The following RRN3 variants were observed in gnomAD, a reference collection of about 807,000 sequenced individuals.
RRN3 encodes RNA polymerase I transcription factor RRN3, also known as RNA polymerase I-specific transcription initiation factor RRN3.
A neutral mutation model predicts 82.3 loss-of-function variants in RRN3; 38 were observed. The observed-to-expected ratio is 0.46, with a 90% CI of 0.36 to 0.61. The LOEUF (loss-of-function observed/expected upper bound fraction) is 0.61. Among genes scored for constraint, RRN3 ranks in the 20% least tolerant of loss-of-function variants. The pLI, the probability that RRN3 is intolerant of heterozygous loss-of-function variation, is 0.00. For missense variants in RRN3, 726 were observed against 793.1 expected, an observed-to-expected ratio of 0.92 and a Z score of 1.02; for synonymous variants, 284 against 284.3, an observed-to-expected ratio of 1.00 and a Z score of 0.01.
At chr16:15,077,697 C>T (rs551867019) in intron 9 of RRN3, among the ~76,000 whole-genome samples, 8 of 152,236 alleles carry the variant, frequency 5.3e-5, no homozygotes, top group Admixed American at 6.5e-5. Context: ...AAAAATTAGC[C>T]GGGCATGGTG....
intron 8 of RRN3, among the ~76,000 whole-genome samples, chr16:15,082,110 T>C (rs2045730193): frequency 1.3e-5 from 2 of 152,212 alleles, no homozygotes; most frequent in African/African-American, 4.8e-5. Context: ...TTTTCTTGCC[T>C]AACTGCCTTG....
rs1460591915 is a variant in RRN3 at position 15,080,108 on chromosome 16, A to T, written c.667-12T>A. On this transcript the variant is annotated splice_polypyrimidine_tract_variant and intron_variant, in intron 8 of 17. Coordinates refer to ENST00000198767, the MANE Select transcript of RRN3 (RefSeq NM_018427.5). ...TGAACGTAACATTCCTAAAGGAGAA[A>T]ATGTAAGATAAAACATTTCAACAGA... 3.1e-6 allele frequency: 5 copies of T among 1,589,696 alleles called. No individual in the cohort carries two copies. The highest frequency in any genetic ancestry group is 4.3e-6 in the Non-Finnish European group (5 of 1,169,300).
At chr16:15,077,772 T>C (rs1315889038) in intron 9 of RRN3, among the ~76,000 whole-genome samples, 2 of 152,074 alleles carry the variant, frequency 1.3e-5, no homozygotes, top group African/African-American at 2.4e-5. Context: ...ACCCCGGAGG[T>C]GGAGGTTGCA....
Position 15,086,451 on chromosome 16 carries a change from C to T in RRN3, c.256G>A (p.Asp86Asn), listed in dbSNP as rs2045920281. ...TCTAGCAGCCAGTTGATGATCTGGT[C>T]ATCCTTAAGTTAAACAAAGAGTACT... Reference protein sequence around the residue: ...NQLLDPDIKDDQIINWLLEFR... With the variant: ...NQLLDPDIKDNQIINWLLEFR... The change falls in exon 4 of 18, where the codon GAC becomes AAC. Residue 86 changes from aspartate (D) to asparagine (N), a missense_variant. Around this residue, in one of 4 missense-constraint regions of RRN3, gnomAD observed 344 missense variants for 394.5 expected, o/e 0.87. Transcript: ENST00000198767. 1 of 1,611,246 alleles carries T rather than the reference C, an allele frequency of 6.2e-7. No homozygotes were observed. The highest frequency in any genetic ancestry group is 8.5e-7 in the Non-Finnish European group (1 of 1,179,272).
At chr16:15,073,330 G>A (rs991114204) in intron 11 of RRN3, among the ~76,000 whole-genome samples, 9 of 152,134 alleles carry the variant, frequency 5.9e-5, no homozygotes, top group Admixed American at 1.3e-4. Context: ...ATGGTGGCAC[G>A]CCTGTGATCC....
At chr16:15,075,482 G>A (rs752070698) in intron 10 of RRN3, among the ~76,000 whole-genome samples, 1 of 151,540 alleles carries the variant, frequency 6.6e-6, no homozygotes, top group African/African-American at 2.4e-5. Flanking sequence ...GAGGTGGGCA[G>A]ATCACTTGGG....
rs1355164769 is a variant in RRN3, at chr16:15,086,355, G to C, written c.342+10C>G. On this transcript the variant is annotated intron_variant, in intron 4 of 17. Transcript: ENST00000198767. The stretch of plus-strand genomic sequence containing the variant: ...TACATACTTTACAGTAAAATAAATG[G>C]TGAACTTACTAATATAATACTGATA... 10 of 1,613,370 alleles carry C rather than the reference G, an allele frequency of 6.2e-6. No individual in the cohort carries two copies. Among genetic ancestry groups the C allele is most frequent in the Non-Finnish European group, 8.5e-6 (10 of 1,179,542 alleles).
chr16:15,086,354 G>T lies in RRN3; in HGVS notation c.342+11C>A, dbSNP rs548761454. The stretch of plus-strand genomic sequence containing the variant: ...TTACATACTTTACAGTAAAATAAAT[G>T]GTGAACTTACTAATATAATACTGAT... On this transcript the variant is annotated intron_variant, in intron 4 of 17. Coordinates refer to ENST00000198767, the MANE Select transcript of RRN3 (RefSeq NM_018427.5). 6.2e-7 allele frequency: 1 copy of T among 1,613,314 alleles called. No homozygotes were observed. Among genetic ancestry groups the T allele is most frequent in the Admixed American group, 1.7e-5 (1 of 59,940 alleles).
chr16:15,093,936 C>T (rs868750480), intron 1 of RRN3: 8 of 586,300 alleles, frequency 1.4e-5, no homozygotes, highest in Admixed American at 3.3e-5. Flanking sequence ...GCCTCCAGAA[C>T]AGAGAACATA....
intron 3 of RRN3, among the ~76,000 whole-genome samples, chr16:15,088,173 A>G (rs1165558995): frequency 1.3e-5 from 2 of 151,966 alleles, no homozygotes; most frequent in African/African-American, 4.8e-5. Context: ...GTACTGAACT[A>G]TTATTATTTC....
At chr16:15,072,674 G>C (rs2045286412) in intron 12 of RRN3, among the ~76,000 whole-genome samples, 1 of 152,102 alleles carries the variant, frequency 6.6e-6, no homozygotes, top group Non-Finnish European at 1.5e-5. Context: ...ATGGTAACCT[G>C]TGGTCCCAGC....
chr16:15,077,348 T>C (rs1009244610), intron 9 of RRN3, among the ~76,000 whole-genome samples: 10 of 152,028 alleles, frequency 6.6e-5, no homozygotes, highest in Non-Finnish European at 1.2e-4. Flanking sequence ...TGGTGGGAGA[T>C]AATTTGAATC....
intron 5 of RRN3, among the ~76,000 whole-genome samples, 177 bp downstream of exon 5, chr16:15,085,952 C>T (rs2045901386): frequency 6.6e-6 from 1 of 152,130 alleles, no homozygotes; most frequent in African/African-American, 2.4e-5. Context: ...AAACTCACAG[C>T]AACAAATGAA....
At chr16:15,093,477 G>A (rs1317469446) in intron 1 of RRN3, among the ~76,000 whole-genome samples, 1 of 152,160 alleles carries the variant, frequency 6.6e-6, no homozygotes, top group African/African-American at 2.4e-5. Flanking sequence ...TATGCTGTAA[G>A]CTCTGTAGAA....
At chr16:15,084,483 T>C (rs1475604425) in intron 7 of RRN3, among the ~76,000 whole-genome samples, 159 bp downstream of exon 7, 5 of 152,086 alleles carry the variant, frequency 3.3e-5, no homozygotes, top group Admixed American at 2.0e-4. Context: ...AAAATGGAAA[T>C]GCCACTTTTT....
intron 16 of RRN3, among the ~76,000 whole-genome samples, chr16:15,064,995 T>C (rs1378563181): frequency 2.6e-5 from 4 of 151,892 alleles, no homozygotes; most frequent in Non-Finnish European, 5.9e-5. Context: ...TCAAACCCCG[T>C]CTCTACTAAA....
intron 17 of RRN3, among the ~76,000 whole-genome samples, chr16:15,062,984 C>T (rs1444603475): frequency 6.6e-6 from 1 of 152,184 alleles, no homozygotes; most frequent in East Asian, 1.9e-4. Flanking sequence ...GCTGGGATTA[C>T]AGGTGTGCAC....
Position 15,092,521 on chromosome 16 carries a change from C to T in RRN3, c.183G>A (p.Leu61=), listed in dbSNP as rs1381394218. ...TATCTCCCCTTACCTTTTTGTACTT[C>T]AGCAAGACTTCTGTCACAGTTCCAC... ...RFGGTVTEVL[L]KYKKGETNDF... is the part of the protein sequence containing the mutation. Residue 61 remains leucine, a synonymous_variant, in exon 2 of 18, where the codon CTG becomes CTA. Transcript: ENST00000198767. The T allele has an allele frequency of 4.3e-6, 7 of 1,610,974 alleles. No homozygotes were observed. The highest frequency in any genetic ancestry group is 2.2e-5 in the East Asian group (1 of 44,876).
chr16:15,083,901 A>T (rs2045806599), intron 7 of RRN3, among the ~76,000 whole-genome samples: 1 of 152,194 alleles, frequency 6.6e-6, no homozygotes, highest in African/African-American at 2.4e-5. Flanking sequence ...TTTTTAGTAG[A>T]GACGGGGTTT....
Sources: allele counts gnomAD v4.1 joint callset (sites outside exome capture counted in the v4.1 genomes callset), GRCh38; gene constraint gnomAD v4.1.1; regional missense constraint gnomAD v4.1.1; transcripts MANE v1.5; gene names NCBI Gene and HGNC (gene_info 2026-07-23, HGNC 2026-07-21).